PIK3C2G: variants seen among roughly 807,000 people sequenced by gnomAD.
PIK3C2G encodes the protein phosphatidylinositol 3-kinase C2 domain-containing subunit gamma.
In PIK3C2G, 168 loss-of-function variants were observed where a neutral mutation model predicts 181.1. That is an observed-to-expected ratio of 0.93 (90% CI 0.82 to 1.05). The LOEUF (loss-of-function observed/expected upper bound fraction) is 1.05, where lower values mean the gene tolerates loss of function less well. PIK3C2G is among the 50% of genes least tolerant of loss of function. The probability of loss-of-function intolerance (pLI) is 0.00; values close to 1 mark genes in which losing one functional copy is unlikely to be tolerated. For synonymous variants in PIK3C2G, 573 were observed against 592.2 expected (o/e 0.97, Z 0.47); for missense variants, 1,869 against 1,732.8 (o/e 1.08, Z -1.40).
the PIK3C2G span, among the ~76,000 whole-genome samples, chr12:18,723,804 ATT>A: frequency 6.6e-6 from 1 of 152,102 alleles, no homozygotes; most frequent in Non-Finnish European, 1.5e-5. Flanking sequence ...TTGTCTTTCA[ATT>A]TCACATTTCA....
chr12:18,438,396 G>T (rs1368888315), intron 18 of PIK3C2G, among the ~76,000 whole-genome samples: 1 of 151,846 alleles, frequency 6.6e-6, no homozygotes, highest in Non-Finnish European at 1.5e-5. Flanking sequence ...GTGTGGCTCT[G>T]ACTGAGAGAG....
the PIK3C2G span, among the ~76,000 whole-genome samples, chr12:18,698,419 C>A: frequency 6.6e-6 from 1 of 151,970 alleles, no homozygotes; most frequent in Admixed American, 6.6e-5. Flanking sequence ...AGGAAAAGAG[C>A]CTTTAAAAAA....
rs759309566 is a variant in PIK3C2G at position 18,562,767 on chromosome 12, C to T, written c.3655C>T (p.Gln1219Ter). ...KLNNLIHTLAQMSAISPAKST... is the reference protein window; with the variant it reads ...KLNNLIHTLA ...GAATAACTTGATCCACACACTTGCA[C>T]AAATGTCAGCCATAAGCCCTGCCAA... Residue 1219 changes from glutamine to a stop codon, truncating the protein, a stop_gained, in exon 27 of 33, where the codon CAA (glutamine) becomes TAA (stop). Coordinates refer to ENST00000538779, the MANE Select transcript of PIK3C2G (RefSeq NM_001288772.2). LOFTEE classifies it high-confidence loss of function. 2 of 1,607,444 alleles carry T rather than the reference C, an allele frequency of 1.2e-6. No homozygotes were observed. Among genetic ancestry groups the T allele is most frequent in the South Asian group, 1.1e-5 (1 of 89,738 alleles).
intron 18 of PIK3C2G, among the ~76,000 whole-genome samples, chr12:18,477,697 C>A (rs915986608): frequency 6.6e-6 from 1 of 152,142 alleles, no homozygotes; most frequent in Non-Finnish European, 1.5e-5. Flanking sequence ...AACTCCAGAT[C>A]TTATGGATAA....
At chr12:18,276,249 C>T (rs986001304) in intron 1 of PIK3C2G, among the ~76,000 whole-genome samples, 3 of 152,176 alleles carry the variant, frequency 2.0e-5, no homozygotes, top group Non-Finnish European at 2.9e-5. Flanking sequence ...GTTTCCTTCA[C>T]TCTCCATGTC....
intron 18 of PIK3C2G, among the ~76,000 whole-genome samples, chr12:18,460,654 T>C (rs1012722005): frequency 7.7e-6 from 1 of 130,086 alleles, no homozygotes; most frequent in African/African-American, 3.2e-5. Context: ...ATATAGCACT[T>C]AGCACACTGC....
intron 18 of PIK3C2G, among the ~76,000 whole-genome samples, chr12:18,486,022 T>A (rs192850754): frequency 1.3e-3 from 192 of 152,306 alleles, no homozygotes; most frequent in Non-Finnish European, 8.1e-4. Flanking sequence ...CCGTAGTTGT[T>A]TAAAGTTAAG....
intron 1 of PIK3C2G, among the ~76,000 whole-genome samples, chr12:18,254,937 C>T (rs1242792246): frequency 6.6e-6 from 1 of 151,208 alleles, no homozygotes; most frequent in Non-Finnish European, 1.5e-5. Context: ...GGCCTGGGCT[C>T]AGTGGCTCAG....
intron 4 of PIK3C2G, among the ~76,000 whole-genome samples, chr12:18,291,496 T>A (rs1415218110): frequency 6.6e-6 from 1 of 152,292 alleles, no homozygotes; most frequent in South Asian, 2.1e-4. Context: ...ACCTACTGAT[T>A]CAGTCTCTGG....
chr12:18,373,803 A>C (rs1805559561), intron 13 of PIK3C2G, among the ~76,000 whole-genome samples: 1 of 152,104 alleles, frequency 6.6e-6, no homozygotes, highest in African/African-American at 2.4e-5. Context: ...CAGTGAGCCA[A>C]ATTGGTGCCA....
intron 32 of PIK3C2G, among the ~76,000 whole-genome samples, chr12:18,644,625 CTG>C (rs1950021003): frequency 6.6e-6 from 1 of 152,030 alleles, no homozygotes; most frequent in Non-Finnish European, 1.5e-5. Context: ...TTATTGTTAT[CTG>C]TGTTATAATA....
chr12:18,388,072 G>A (rs942277417), intron 14 of PIK3C2G, among the ~76,000 whole-genome samples: 3 of 151,840 alleles, frequency 2.0e-5, no homozygotes, highest in Non-Finnish European at 4.4e-5. Flanking sequence ...TTGATACAAA[G>A]TTTTTAGAAC....
At chr12:18,695,011 C>T in the PIK3C2G span, 1 of 1,612,190 alleles carries the variant, frequency 6.2e-7, no homozygotes, top group Non-Finnish European at 8.5e-7. Flanking sequence ...TATCCAGAAC[C>T]ACCATTATCC....
chr12:18,539,907 T>C (rs945545625), intron 25 of PIK3C2G, among the ~76,000 whole-genome samples: 5 of 151,892 alleles, frequency 3.3e-5, no homozygotes, highest in African/African-American at 1.2e-4. Flanking sequence ...AGCCAAGGAT[T>C]CTTATTGGTA....
intron 16 of PIK3C2G, among the ~76,000 whole-genome samples, chr12:18,406,240 A>G (rs1313459748): frequency 1.3e-5 from 2 of 152,210 alleles, no homozygotes; most frequent in Non-Finnish European, 2.9e-5. Flanking sequence ...ACAGTATTAC[A>G]TTGTGTGTAC....
intron 1 of PIK3C2G, among the ~76,000 whole-genome samples, chr12:18,274,032 C>A (rs1948865645): frequency 6.6e-6 from 1 of 152,058 alleles, no homozygotes; most frequent in Non-Finnish European, 1.5e-5. Flanking sequence ...ACTTACACAG[C>A]CAAAAAACAC....
intron 7 of PIK3C2G, 87 bp from the exon 8 acceptor site, chr12:18,324,948 A>C: frequency 1.4e-6 from 1 of 695,722 alleles, no homozygotes; most frequent in Non-Finnish European, 2.5e-6. Flanking sequence ...ATCATGGGCA[A>C]AACAATTTGT....
the PIK3C2G span, among the ~76,000 whole-genome samples, chr12:18,685,328 G>T: frequency 2.0e-5 from 3 of 151,960 alleles, no homozygotes; most frequent in East Asian, 5.8e-4. Flanking sequence ...CATCCAAAAA[G>T]TAAAGCGTAA....
intron 24 of PIK3C2G, among the ~76,000 whole-genome samples, chr12:18,526,774 G>A (rs148664143): frequency 2.6e-5 from 4 of 152,126 alleles, no homozygotes; most frequent in East Asian, 1.9e-4. Context: ...GTTACAAAGC[G>A]CTCTCACTTA....
Sources: allele counts gnomAD v4.1 joint callset (sites outside exome capture counted in the v4.1 genomes callset), GRCh38; gene constraint gnomAD v4.1.1; transcripts MANE v1.5; gene names NCBI Gene and HGNC (gene_info 2026-07-23, HGNC 2026-07-21).